MCF2L2: variants seen among roughly 807,000 people sequenced by gnomAD.
MCF2L2 encodes the protein MCF.2 cell line derived transforming sequence-like 2, also known as probable guanine nucleotide exchange factor MCF2L2.
MCF2L2 carries 102 observed loss-of-function variants against 150.2 expected under a neutral mutation model. That is an observed-to-expected ratio of 0.68 (90% confidence interval 0.58 to 0.80). The LOEUF (loss-of-function observed/expected upper bound fraction) is 0.80. MCF2L2 is among the 30% of genes least tolerant of loss of function. The probability of loss-of-function intolerance (pLI) is 0.00; values close to 1 mark genes in which losing one functional copy is unlikely to be tolerated. For synonymous variants in MCF2L2, 465 were observed against 491.3 expected, an observed-to-expected ratio of 0.95 and a Z score of 0.71; for missense variants, 1,256 against 1,372.8, an observed-to-expected ratio of 0.91 and a Z score of 1.34.
chr3:183,369,682 G>C (rs1712747519), intron 3 of MCF2L2, among the ~76,000 whole-genome samples: 1 of 152,134 alleles, frequency 6.6e-6, no homozygotes. Context: ...TTCCCAGCCT[G>C]TCAGAATGGT....
intron 16 of MCF2L2, among the ~76,000 whole-genome samples, chr3:183,230,322 C>G (rs1723501659): frequency 6.6e-6 from 1 of 152,172 alleles, no homozygotes; most frequent in Admixed American, 6.5e-5. Flanking sequence ...CCATGTTGGC[C>G]AGGCTGGTCT....
chr3:183,379,418 C>T lies in MCF2L2; in HGVS notation c.161-7G>A, dbSNP rs1395259418. On this transcript the variant is annotated splice_polypyrimidine_tract_variant and splice_region_variant and intron_variant, in intron 2 of 29. Coordinates refer to ENST00000328913, the MANE Select transcript of MCF2L2 (RefSeq NM_015078.4). The stretch of plus-strand genomic sequence containing the variant: ...CCATCCTCCCCTCGGCCTCCTGCAA[C>T]AAAAACAGGTGGTCAAAATGTTAGC... The T allele has an allele frequency of 2.5e-6, 4 of 1,599,156 alleles. No individual in the cohort carries two copies. The highest frequency in any genetic ancestry group is 3.4e-6 in the Non-Finnish European group (4 of 1,169,484).
intron 8 of MCF2L2, 109 bp downstream of exon 8, chr3:183,311,539 G>T: frequency 5.0e-6 from 6 of 1,201,372 alleles, no homozygotes; most frequent in South Asian, 3.1e-5. Flanking sequence ...TTCTTCCTTG[G>T]CCCCACCAAG....
At chr3:183,367,227 C>CTTT (rs11340213) in intron 3 of MCF2L2, among the ~76,000 whole-genome samples, 3 of 140,470 alleles carry the variant, frequency 2.1e-5, no homozygotes, top group African/African-American at 5.2e-5. Context: ...TTCTTTCTTT[C>CTTT]TTTTTTTTTT....
At chr3:183,304,830 A>G (rs1469663747) in intron 10 of MCF2L2, among the ~76,000 whole-genome samples, 1 of 151,912 alleles carries the variant, frequency 6.6e-6, no homozygotes, top group Admixed American at 6.6e-5. Context: ...CTTAAACAGT[A>G]CCTGGCATGG....
At position 183,304,913 on chromosome 3, in the gene MCF2L2, C is replaced by T. The variant is rs114975105; in HGVS notation, c.1114-4717G>A. 7.0e-3 allele frequency among the ~76,000 whole-genome samples: 1,067 copies of T among 152,242 alleles called. 12 individuals are homozygous for T. The highest frequency in any genetic ancestry group is 0.024 in the African/African-American group (981 of 41,530). The stretch of plus-strand genomic sequence containing the variant: ...ACCTTTCCTAGCACTGCTCAGCTAC[C>T]GCAGACTGAACCTAGCACATGTTCC... On this transcript the variant is annotated intron_variant, in intron 10 of 29. Coordinates refer to ENST00000328913, the MANE Select transcript of MCF2L2 (RefSeq NM_015078.4).
rs1270888816 is a variant in MCF2L2 at position 183,196,085 on chromosome 3, G to A, written c.2885-830C>T. Among the ~76,000 whole-genome samples the A allele has an allele frequency of 2.0e-5, 3 of 152,162 alleles. No homozygotes were observed. In the East Asian group the frequency reaches 5.8e-4, roughly 29 times the overall value. On this transcript the variant is annotated intron_variant, in intron 25 of 29. Coordinates refer to ENST00000328913, the MANE Select transcript of MCF2L2 (RefSeq NM_015078.4). ...CACAGGCAGTCATGCCACAGCTGAG[G>A]AGCTTGTCCCAAACCTCAGTGCCTG... is the stretch of plus-strand genomic sequence containing the variant.
At chr3:183,331,103 C>A (rs577027564) in intron 5 of MCF2L2, among the ~76,000 whole-genome samples, 1 of 152,198 alleles carries the variant, frequency 6.6e-6, no homozygotes, top group African/African-American at 2.4e-5. Context: ...AACTCTCACA[C>A]ACCAGGCCAT....
chr3:183,391,121 T>C (rs769232850), intron 1 of MCF2L2, among the ~76,000 whole-genome samples: 3 of 152,200 alleles, frequency 2.0e-5, no homozygotes, highest in African/African-American at 4.8e-5. Flanking sequence ...TCTCTGAGTC[T>C]TGGTCTACTC....
At chr3:183,422,119 C>A (rs944105174) in intron 1 of MCF2L2, among the ~76,000 whole-genome samples, 4 of 152,150 alleles carry the variant, frequency 2.6e-5, no homozygotes, top group African/African-American at 9.7e-5. Flanking sequence ...GTTTTTGAGG[C>A]CAATCTTTAG....
intron 13 of MCF2L2, among the ~76,000 whole-genome samples, chr3:183,292,153 C>T (rs1319502220): frequency 6.6e-6 from 1 of 152,042 alleles, no homozygotes; most frequent in Non-Finnish European, 1.5e-5. Flanking sequence ...TCAAGGCTTA[C>T]TTCTAAAAAG....
Position 183,223,432 on chromosome 3 carries a change from G to A in MCF2L2, c.2215C>T (p.Gln739Ter). ...CQDCAYFGVCQRQLDHNLPLF... is the reference protein window; with the variant it reads ...CQDCAYFGVC Reference sequence around the variant, plus strand: ...GGGAGATTGTGATCCAGTTGGCGCTGGCATACCTTTAAAAGCCAAATAGAA... The same window carrying A: ...GGGAGATTGTGATCCAGTTGGCGCTAGCATACCTTTAAAAGCCAAATAGAA... Residue 739 changes from glutamine to a stop codon, truncating the protein, a stop_gained, in exon 20 of 30, where the codon CAG becomes TAG. Transcript: ENST00000328913. LOFTEE classifies it high-confidence loss of function. 1 of 1,613,136 alleles carries A rather than the reference G, an allele frequency of 6.2e-7. No individual in the cohort carries two copies. The highest frequency in any genetic ancestry group is 8.5e-7 in the Non-Finnish European group (1 of 1,179,090).
intron 21 of MCF2L2, among the ~76,000 whole-genome samples, chr3:183,216,613 T>A (rs1484987583): frequency 1.1e-5 from 1 of 93,054 alleles, no homozygotes; most frequent in East Asian, 2.9e-4. Flanking sequence ...TTTTTTTTTT[T>A]TTTGAGAGCG....
chr3:183,278,235 CAAAT>C (rs1316361965), intron 14 of MCF2L2, among the ~76,000 whole-genome samples: 9 of 148,046 alleles, frequency 6.1e-5, no homozygotes, highest in African/African-American at 1.7e-4. Context: ...GTTTATTAAA[CAAAT>C]AAAAATAAAA....
intron 3 of MCF2L2, chr3:183,374,528 C>A (rs1423237439): frequency 2.0e-5 from 3 of 151,974 alleles, no homozygotes; most frequent in African/African-American, 4.8e-5. Flanking sequence ...ATTAGCTGGG[C>A]GTGGTGGTGC....
chr3:183,422,690 G>A (rs949695864), intron 1 of MCF2L2, among the ~76,000 whole-genome samples: 1 of 152,188 alleles, frequency 6.6e-6, no homozygotes, highest in Non-Finnish European at 1.5e-5. Context: ...GAGCTGGGAG[G>A]ATGAGAGCAG....
intron 14 of MCF2L2, among the ~76,000 whole-genome samples, chr3:183,278,377 TAAAAG>T (rs2108461713): frequency 6.6e-6 from 1 of 151,814 alleles, no homozygotes; most frequent in Non-Finnish European, 1.5e-5. Context: ...TGTGTGTACA[TAAAAG>T]TAAGTATCAG....
chr3:183,313,568 C>T (rs78780167), intron 7 of MCF2L2, among the ~76,000 whole-genome samples: 3 of 152,252 alleles, frequency 2.0e-5, no homozygotes, highest in Non-Finnish European at 2.9e-5. Flanking sequence ...TGAACACAGA[C>T]GGAAAGATGG....
Position 183,428,333 on chromosome 3 carries a change from T to G in MCF2L2, c.-356A>C. On this transcript the variant is annotated 5_prime_UTR_variant, in exon 1 of 30. Coordinates refer to ENST00000328913, the MANE Select transcript of MCF2L2 (RefSeq NM_015078.4). The surrounding 1 kb of genome is among the most constrained non-coding windows in gnomAD (Gnocchi z 5.1). ...AGAATCGCGGTCCCGGCCGCCAGGT[T>G]TCCGGCGCCGCCTCCAGGGACTGTA... is the stretch of plus-strand genomic sequence containing the variant. 3.5e-6 allele frequency: 1 copy of G among 285,238 alleles called. No individual in the cohort carries two copies. The allele number at this position is 285,238 out of a possible 1,614,324, so 17.7% of individuals were successfully genotyped here. A position where few individuals can be genotyped will look rare whatever the true frequency, so the allele number is the denominator to read the frequency against.
Sources: allele counts gnomAD v4.1 joint callset (sites outside exome capture counted in the v4.1 genomes callset), GRCh38; gene constraint gnomAD v4.1.1; non-coding constraint Gnocchi (gnomAD v3.1); transcripts MANE v1.5; gene names NCBI Gene and HGNC (gene_info 2026-07-23, HGNC 2026-07-21).